UACA: variants seen among roughly 807,000 people sequenced by gnomAD.
The protein encoded by UACA is uveal autoantigen with coiled-coil domains and ankyrin repeats.
UACA carries 112 observed loss-of-function variants against 160.5 expected under a neutral mutation model. The observed-to-expected ratio is 0.70, with a 90% CI of 0.60 to 0.82. The LOEUF (loss-of-function observed/expected upper bound fraction) is 0.82, where lower values mean the gene tolerates loss of function less well. Among genes scored for constraint, UACA ranks in the 40% least tolerant of loss-of-function variants. UACA has a pLI of 0.00. For synonymous variants in UACA, 557 were observed against 568.4 expected (o/e 0.98, Z 0.29); for missense variants, 1,574 against 1,614.6 (o/e 0.97, Z 0.43).
At chr15:70,778,813 C>T in the UACA span, 2 of 152,206 alleles carry the variant, frequency 1.3e-5, no homozygotes. Flanking sequence ...GGCCATTTGT[C>T]TACTGCATTC....
chr15:70,763,603 C>T (rs1567006193), upstream of UACA: 3 of 1,156,656 alleles, frequency 2.6e-6, no homozygotes, highest in Non-Finnish European at 3.3e-6. Flanking sequence ...TGACCCGCTG[C>T]CCTGGCGGGG....
chr15:70,774,339 G>A, the UACA span, among the ~76,000 whole-genome samples: 10 of 152,146 alleles, frequency 6.6e-5, no homozygotes, highest in East Asian at 1.9e-4. Flanking sequence ...GAGGTCAGGC[G>A]ATCGAGACCA....
chr15:70,696,658 A>G (rs1352471459), intron 2 of UACA, among the ~76,000 whole-genome samples: 1 of 152,162 alleles, frequency 6.6e-6, no homozygotes, highest in Admixed American at 6.5e-5. Context: ...ACTAAATTAA[A>G]TCGCTATAAG....
intron 1 of UACA, among the ~76,000 whole-genome samples, chr15:70,753,799 A>G (rs1314822201): frequency 6.6e-6 from 1 of 152,168 alleles, no homozygotes. Context: ...ATTTCAAATT[A>G]CTTATAATTT....
chr15:70,777,155 TGA>T, the UACA span, among the ~76,000 whole-genome samples: 9 of 152,106 alleles, frequency 5.9e-5, no homozygotes, highest in African/African-American at 2.2e-4. Context: ...ATGCGAAATG[TGA>T]GAGTCAATTA....
chr15:70,668,240 G>T lies in UACA; in HGVS notation c.2444C>A (p.Ala815Asp), dbSNP rs146530294. 169 of 1,613,366 alleles carry T rather than the reference G, an allele frequency of 1.0e-4. No homozygotes were observed. The African/African-American group carries it at 2.1e-3, about 20-fold the overall frequency. Residue 815 changes from alanine (A) to aspartate (D), a missense_variant, in exon 16 of 19, where the codon GCT becomes GAT. Ala to Asp is a moderately radical substitution (Grantham distance 126, BLOSUM62 -2). Coordinates refer to ENST00000322954, the MANE Select transcript of UACA (RefSeq NM_018003.4). ...PPEKHEKEII[A>D]LKSNIVELKK... ...AAGTTCAACAATATTGGATTTCAGA[G>T]CTATTATCTCTTTTTCATGTTTCTC...
At chr15:70,745,267 T>TA (rs1036460920) in intron 1 of UACA, among the ~76,000 whole-genome samples, 27 of 149,450 alleles carry the variant, frequency 1.8e-4, no homozygotes, top group Middle Eastern at 6.4e-3. Context: ...CCTTCTCTAC[T>TA]AAAAAAAAAT....
In UACA at chr15:70,669,295, G is replaced by C; in HGVS notation, c.1389C>G (p.Leu463=). Residue 463 remains leucine, a synonymous_variant, in exon 16 of 19, where the codon CTC becomes CTG. Transcript: ENST00000322954. ...CESAKQDRLK[L]QNELAHKVAE... The stretch of plus-strand genomic sequence containing the variant: ...CCACTTTGTGTGCCAGTTCATTTTG[G>C]AGCTTCAGTCGGTCTTGTTTTGCTG... The C allele has an allele frequency of 2.5e-6, 4 of 1,613,974 alleles. No homozygotes were observed. The highest frequency in any genetic ancestry group is 1.7e-4 in the Middle Eastern group (1 of 6,060).
the UACA span, among the ~76,000 whole-genome samples, chr15:70,777,890 T>A: frequency 3.9e-5 from 6 of 152,354 alleles, no homozygotes; most frequent in Non-Finnish European, 7.3e-5. Context: ...ACAGAATGTC[T>A]TCAAGCAAAT....
rs1015756595 is a variant in UACA at position 70,763,496 on chromosome 15, C to T, written c.-89G>A. 13 of 1,257,502 alleles carry T rather than the reference C, an allele frequency of 1.0e-5. No homozygotes were observed. The highest frequency in any genetic ancestry group is 1.0e-6 in the Non-Finnish European group (1 of 994,224). 77.9% of individuals were successfully genotyped at this position (1,257,502 alleles called of 1,614,324 possible). On this transcript the variant is annotated 5_prime_UTR_variant, in exon 1 of 19. Coordinates refer to ENST00000322954, the MANE Select transcript of UACA (RefSeq NM_018003.4). Reference sequence around the variant, plus strand: ...TAGACGGCAGCGGCTGCAGCAGAGGCGGCGCGGGCTGTACCAGCCCCACCT... The same window carrying T: ...TAGACGGCAGCGGCTGCAGCAGAGGTGGCGCGGGCTGTACCAGCCCCACCT...
At chr15:70,740,216 C>A (rs1181712675) in intron 1 of UACA, among the ~76,000 whole-genome samples, 1 of 152,036 alleles carries the variant, frequency 6.6e-6, no homozygotes, top group African/African-American at 2.4e-5. Flanking sequence ...AAATTGTAAT[C>A]TTGTAATTTG....
chr15:70,672,639 T>C (rs977034930), intron 13 of UACA, among the ~76,000 whole-genome samples: 3 of 152,126 alleles, frequency 2.0e-5, no homozygotes, highest in African/African-American at 2.4e-5. Context: ...AAGAATCTAA[T>C]ATATAAATTA....
chr15:70,742,940 G>C (rs1899583862), intron 1 of UACA, among the ~76,000 whole-genome samples: 1 of 152,114 alleles, frequency 6.6e-6, no homozygotes, highest in East Asian at 1.9e-4. Context: ...AGCTGACTGG[G>C]TTCTCTGCTT....
chr15:70,675,322 C>A (rs528271606), intron 13 of UACA, among the ~76,000 whole-genome samples: 1 of 152,282 alleles, frequency 6.6e-6, no homozygotes, highest in Admixed American at 6.5e-5. Flanking sequence ...AAGATAGAAG[C>A]CACTACAGCT....
chr15:70,671,920 T>C (rs762765345), intron 14 of UACA, 45 bp downstream of exon 14: 10 of 1,509,184 alleles, frequency 6.6e-6, no homozygotes, highest in Middle Eastern at 3.6e-4. Flanking sequence ...TCTTCTTTAC[T>C]TGAACTAGGT....
intron 1 of UACA, among the ~76,000 whole-genome samples, chr15:70,727,663 T>C (rs1168272975): frequency 6.6e-6 from 1 of 152,206 alleles, no homozygotes; most frequent in African/African-American, 2.4e-5. Flanking sequence ...ATTAAAATAA[T>C]TGTGAAACTG....
Position 70,656,828 on chromosome 15 carries a change from A to T in UACA, c.*228T>A, listed in dbSNP as rs74021812. The stretch of plus-strand genomic sequence containing the variant: ...TATGTAGTCAATCCAGGGCAAAGTT[A>T]TGTTGTTTGCCTATTTGTAAAATTA... On this transcript the variant is annotated 3_prime_UTR_variant, in exon 19 of 19. Transcript: ENST00000322954. 2,738 of 416,374 alleles carry T rather than the reference A, an allele frequency of 6.6e-3. 60 individuals carry two copies. Among genetic ancestry groups the T allele is most frequent in the African/African-American group, 0.048 (2,410 of 49,966 alleles). 25.8% of individuals were successfully genotyped at this position (416,374 alleles called of 1,614,324 possible).
intron 1 of UACA, chr15:70,702,273 C>T: frequency 1.9e-6 from 2 of 1,042,398 alleles, no homozygotes; most frequent in Non-Finnish European, 2.3e-6. Context: ...CATCCTGCTG[C>T]CTCAACACTG....
At chr15:70,763,178 G>A (rs2030879384) in intron 1 of UACA, 152 bp downstream of exon 1, 3 of 825,232 alleles carry the variant, frequency 3.6e-6, no homozygotes, top group South Asian at 7.8e-5. Context: ...CTGGGCTGAC[G>A]GAGTCTCCGG....
Sources: gnomAD v4.1 joint callset for allele counts (sites outside exome capture counted in the v4.1 genomes callset) on GRCh38, gnomAD v4.1.1 for gene constraint, MANE v1.5 for transcripts, NCBI Gene and HGNC (gene_info 2026-07-23, HGNC 2026-07-21) for gene names.